The following SCN2A variants were observed in gnomAD, a reference collection of about 807,000 sequenced individuals.
The protein encoded by SCN2A is sodium channel protein type 2 subunit alpha.
SCN2A carries 20 observed loss-of-function variants against 188.7 expected under a neutral mutation model. The observed-to-expected ratio is 0.11, with a 90% CI of 0.07 to 0.15. SCN2A has a LOEUF of 0.15. Among genes scored for constraint, SCN2A ranks in the 10% least tolerant of loss-of-function variants. The pLI is 1.00. For synonymous variants in SCN2A, 804 were observed against 833.1 expected, an observed-to-expected ratio of 0.97 and a Z score of 0.60; for missense variants, 1,278 against 2,445.0, an observed-to-expected ratio of 0.52 and a Z score of 10.07.
chr2:165,313,092 A>G (rs573555506), intron 8 of SCN2A, among the ~76,000 whole-genome samples: 1 of 152,236 alleles, frequency 6.6e-6, no homozygotes, highest in South Asian at 2.1e-4. Flanking sequence ...TAGCAAGTTA[A>G]GTAACTTGCC....
At chr2:165,305,407 T>C (rs1286849278) in intron 3 of SCN2A, among the ~76,000 whole-genome samples, 1 of 152,178 alleles carries the variant, frequency 6.6e-6, no homozygotes, top group African/African-American at 2.4e-5. Flanking sequence ...TATCTGAGAA[T>C]GGTGGGTATA....
At chr2:165,373,743 A>G (rs746290478) in intron 21 of SCN2A, among the ~76,000 whole-genome samples, 3 of 152,088 alleles carry the variant, frequency 2.0e-5, no homozygotes, top group Non-Finnish European at 2.9e-5. Flanking sequence ...GAGCCTTTTG[A>G]TGTTTGAATC....
rs572871453 is a variant in SCN2A, at chr2:165,307,283, A to G, written c.387-565A>G. Among the ~76,000 whole-genome samples the G allele has an allele frequency of 1.2e-4, 18 of 152,258 alleles. No individual in the cohort carries two copies. In the East Asian group the frequency reaches 3.3e-3, roughly 28 times the overall value. On this transcript the variant is annotated intron_variant, in intron 3 of 26. Transcript: ENST00000375437. The stretch of plus-strand genomic sequence containing the variant: ...AGTCAATTGAGATTCAGGGAACTTA[A>G]TAAGTAATTTTGCCTTAGTTACAAA...
chr2:165,246,762 G>A (rs1574428894), intron 1 of SCN2A, among the ~76,000 whole-genome samples: 3 of 151,950 alleles, frequency 2.0e-5, no homozygotes, highest in Admixed American at 1.3e-4. Flanking sequence ...GCAGCTGGAC[G>A]CATGCAAAAG....
At chr2:165,356,501 C>T (rs886556996) in intron 17 of SCN2A, among the ~76,000 whole-genome samples, 1 of 152,072 alleles carries the variant, frequency 6.6e-6, no homozygotes, top group African/African-American at 2.4e-5. Flanking sequence ...GATGTATATT[C>T]CCCTCTCATT....
intron 17 of SCN2A, among the ~76,000 whole-genome samples, chr2:165,359,538 T>G (rs1700348611): frequency 1.3e-5 from 2 of 152,100 alleles, no homozygotes. Context: ...TTGATTTCCT[T>G]GTAAAAGTCT....
chr2:165,386,224 G>A (rs1701862028), intron 25 of SCN2A, among the ~76,000 whole-genome samples: 1 of 151,986 alleles, frequency 6.6e-6, no homozygotes. Context: ...CCAGCACTTT[G>A]GGAGGTCGAG....
Position 165,390,583 on chromosome 2 carries a change from T to C in SCN2A, c.*759T>C, listed in dbSNP as rs1215493958. 1.3e-5 allele frequency: 2 copies of C among 152,712 alleles called. No individual in the cohort carries two copies. Among genetic ancestry groups the C allele is most frequent in the African/African-American group, 4.8e-5 (2 of 41,428 alleles). 9.5% of individuals were successfully genotyped at this position (152,712 alleles called of 1,614,324 possible). On this transcript the variant is annotated 3_prime_UTR_variant, in exon 27 of 27. Coordinates refer to ENST00000375437, the MANE Select transcript of SCN2A (RefSeq NM_001040142.2). ...ATTAAAGAGTTGTTTTATTTTTACA[T>C]AACCCATTAAATGTACATGTATATA...
At chr2:165,240,694 T>TGTGTGTGTGTGTGTGTGA (rs755090637) in intron 1 of SCN2A, among the ~76,000 whole-genome samples, 1 of 150,504 alleles carries the variant, frequency 6.6e-6, no homozygotes, top group African/African-American at 2.5e-5. Context: ...TGTGTGTGTG[T>TGTGTGTGTGTGTGTGTGA]GATGGTGGAG....
Position 165,291,525 on chromosome 2 carries a change from TTTCCTTCCTTCCTTCC to T in SCN2A, c.-51-4213_-51-4198del, listed in dbSNP as rs369490510. 1.5e-3 allele frequency among the ~76,000 whole-genome samples: 87 copies of T among 58,608 alleles called. 1 individual carries two copies. The highest frequency in any genetic ancestry group is 4.5e-3 in the South Asian group (6 of 1,326). 38.4% of individuals were successfully genotyped at this position (58,608 alleles called of 152,430 possible). On this transcript the variant is annotated intron_variant, in intron 1 of 26. Transcript: ENST00000375437. ...TTTCTTTCTTTCTTCCTCTCCTTTC[TTTCCTTCCTTCCTTCC>T]TTCCTTCCTTCCTTCCTTCCTTCCT...
At chr2:165,292,397 A>G (rs1474137843) in intron 1 of SCN2A, among the ~76,000 whole-genome samples, 2 of 152,192 alleles carry the variant, frequency 1.3e-5, no homozygotes, top group East Asian at 3.9e-4. Context: ...GCATGATGCC[A>G]AAGTTTGAGG....
At chr2:165,256,554 G>C (rs1372373689) in intron 1 of SCN2A, among the ~76,000 whole-genome samples, 1 of 152,214 alleles carries the variant, frequency 6.6e-6, no homozygotes, top group South Asian at 2.1e-4. Context: ...AGTTATCACA[G>C]ACTTCCATTT....
intron 1 of SCN2A, among the ~76,000 whole-genome samples, chr2:165,261,735 AGT>A (rs1694604998): frequency 6.6e-6 from 1 of 152,156 alleles, no homozygotes; most frequent in African/African-American, 2.4e-5. Flanking sequence ...CCATTGTTTT[AGT>A]CACTCTGCAT....
At chr2:165,310,712 G>A in intron 7 of SCN2A, 117 bp downstream of exon 7, 1 of 674,142 alleles carries the variant, frequency 1.5e-6, no homozygotes, top group Non-Finnish European at 2.3e-6. Flanking sequence ...AATTTAAGAT[G>A]ATTTAATACA....
chr2:165,328,986 C>CTTTTTTTTTTTTTTTT (rs1269103949), intron 13 of SCN2A, among the ~76,000 whole-genome samples: 7 of 89,392 alleles, frequency 7.8e-5, no homozygotes, highest in East Asian at 7.6e-4. Context: ...TAAGATAGTC[C>CTTTTTTTTTTTTTTTT]TTTTTTTTTT....
intron 1 of SCN2A, among the ~76,000 whole-genome samples, chr2:165,284,644 A>G (rs1026645943): frequency 2.6e-5 from 4 of 152,184 alleles, no homozygotes; most frequent in Non-Finnish European, 5.9e-5. Context: ...TCTTTGATGA[A>G]AAGAAGAAAT....
intron 1 of SCN2A, among the ~76,000 whole-genome samples, chr2:165,292,743 C>T (rs16850331): frequency 0.23 from 35,710 of 152,056 alleles, 4,482 homozygotes; most frequent in East Asian, 0.36. Context: ...TTTTTGCTAT[C>T]AGATTTTGAG....
At chr2:165,246,547 CTT>C (rs1041037714) in intron 1 of SCN2A, among the ~76,000 whole-genome samples, 7 of 152,126 alleles carry the variant, frequency 4.6e-5, no homozygotes, top group African/African-American at 1.7e-4. Flanking sequence ...TCTCGTCATA[CTT>C]TGATTATCTC....
At chr2:165,310,701 T>C (rs1697378723) in intron 7 of SCN2A, 106 bp downstream of exon 7, 2 of 767,634 alleles carry the variant, frequency 2.6e-6, no homozygotes, top group Non-Finnish European at 3.9e-6. Flanking sequence ...TGACTTAGAC[T>C]AATTTAAGAT....
Sources: allele counts gnomAD v4.1 joint callset (sites outside exome capture counted in the v4.1 genomes callset), GRCh38; gene constraint gnomAD v4.1.1; transcripts MANE v1.5; gene names NCBI Gene and HGNC (gene_info 2026-07-23, HGNC 2026-07-21).